Variants in ZMIZ1 observed in about 807,000 individuals in gnomAD.
The protein encoded by ZMIZ1 is zinc finger MIZ-type containing 1.
ZMIZ1 carries 17 observed loss-of-function variants against 113.9 expected under a neutral mutation model. The ratio of observed to expected loss-of-function variants is 0.15; its 90% CI spans 0.10 to 0.22. ZMIZ1 has a LOEUF of 0.22. Ranked by LOEUF, ZMIZ1 falls within the 10% of genes least tolerant of loss-of-function variation. ZMIZ1 has a pLI of 1.00. For missense variants in ZMIZ1, 1,059 were observed against 1,477.8 expected, an observed-to-expected ratio of 0.72 and a Z score of 4.65; for synonymous variants, 607 against 603.1, an observed-to-expected ratio of 1.01 and a Z score of -0.09.
intron 2 of ZMIZ1, among the ~76,000 whole-genome samples, chr10:79,130,013 G>A (rs979586765): frequency 1.3e-5 from 2 of 152,246 alleles, no homozygotes; most frequent in Non-Finnish European, 2.9e-5. Context: ...GCAAAGCTGG[G>A]CATCCAAGCC....
chr10:79,175,096 C>T (rs113460793), intron 4 of ZMIZ1, among the ~76,000 whole-genome samples: 1 of 152,208 alleles, frequency 6.6e-6, no homozygotes. Context: ...AGGGGGTCCT[C>T]GCAAGGAGCC....
intron 1 of ZMIZ1, among the ~76,000 whole-genome samples, chr10:79,114,431 G>A (rs2132305891): frequency 6.6e-6 from 1 of 152,106 alleles, no homozygotes; most frequent in South Asian, 2.1e-4. Context: ...GGCGGGTTCA[G>A]AGCCAGCCAC....
chr10:79,230,874 CAAAAG>C (rs2132778547), intron 7 of ZMIZ1, among the ~76,000 whole-genome samples: 1 of 152,340 alleles, frequency 6.6e-6, no homozygotes, highest in South Asian at 2.1e-4. Flanking sequence ...AGGAGAAAAA[CAAAAG>C]AGAAGAAAGA....
chr10:79,157,974 C>G (rs942209618), intron 3 of ZMIZ1, among the ~76,000 whole-genome samples: 1 of 129,382 alleles, frequency 7.7e-6, no homozygotes, highest in African/African-American at 2.7e-5. Context: ...GCTCAGGCGC[C>G]TGAGGATCAG....
intron 15 of ZMIZ1, 81 bp downstream of exon 15, chr10:79,298,661 G>A: frequency 1.5e-6 from 2 of 1,334,980 alleles, no homozygotes; most frequent in South Asian, 1.3e-5. Context: ...CAGTCAGGCT[G>A]CCTGGGGAGT....
At chr10:79,285,389 G>T (rs1853004099) in intron 8 of ZMIZ1, 1 of 446,140 alleles carries the variant, frequency 2.2e-6, no homozygotes, top group East Asian at 7.0e-5. Flanking sequence ...TACATGTTAG[G>T]CACTTACACT....
chr10:79,113,470 C>T (rs2132302201), intron 1 of ZMIZ1, among the ~76,000 whole-genome samples: 1 of 152,234 alleles, frequency 6.6e-6, no homozygotes, highest in South Asian at 2.1e-4. Context: ...TGGCCTTGTG[C>T]TTCCTTCCCC....
At chr10:79,123,865 C>T (rs1003538338) in intron 2 of ZMIZ1, among the ~76,000 whole-genome samples, 1 of 152,204 alleles carries the variant, frequency 6.6e-6, no homozygotes, top group Non-Finnish European at 1.5e-5. Flanking sequence ...GGCCAGGGCC[C>T]AGCCCGTGGC....
intron 3 of ZMIZ1, among the ~76,000 whole-genome samples, chr10:79,155,586 C>G (rs1018267978): frequency 2.6e-5 from 4 of 152,360 alleles, no homozygotes; most frequent in Non-Finnish European, 5.9e-5. Context: ...TGAGGCAGGA[C>G]GGGCAGAAGT....
rs369531328 is a variant in ZMIZ1 at position 79,280,896 on chromosome 10, A to C, written c.425+3571A>C. Among the ~76,000 whole-genome samples, 15 of 152,234 alleles carry C rather than the reference A, an allele frequency of 9.9e-5. No individual in the cohort carries two copies. In the East Asian group the frequency reaches 2.1e-3, roughly 22 times the overall value. On this transcript the variant is annotated intron_variant, in intron 8 of 24. Transcript: ENST00000334512. ...CACAGGCTGCAGCTGCATTTCACTT[A>C]AGCAGCATACCTTGCAGTTGCCCTC...
chr10:79,264,586 G>T (rs1851475814), intron 7 of ZMIZ1, among the ~76,000 whole-genome samples: 1 of 152,236 alleles, frequency 6.6e-6, no homozygotes, highest in Admixed American at 6.5e-5. Flanking sequence ...ACAGAGGCCA[G>T]CCTTGGCCCT....
intron 8 of ZMIZ1, among the ~76,000 whole-genome samples, chr10:79,282,451 A>G (rs1156564673): frequency 6.6e-6 from 1 of 152,196 alleles, no homozygotes; most frequent in African/African-American, 2.4e-5. Flanking sequence ...GAGCCTGGAC[A>G]CTTGCAGCCC....
chr10:79,133,696 T>C (rs994852917), intron 2 of ZMIZ1, among the ~76,000 whole-genome samples: 3 of 152,208 alleles, frequency 2.0e-5, no homozygotes, highest in African/African-American at 7.2e-5. Flanking sequence ...CCTTGGGCAC[T>C]GAAGCTCCCT....
intron 2 of ZMIZ1, among the ~76,000 whole-genome samples, chr10:79,121,008 G>A (rs145848541): frequency 6.4e-4 from 97 of 152,296 alleles, no homozygotes; most frequent in African/African-American, 2.2e-3. Flanking sequence ...TTGCCTCCAT[G>A]AGTGCTCTAA....
intron 2 of ZMIZ1, among the ~76,000 whole-genome samples, chr10:79,138,751 G>C (rs988545647): frequency 6.6e-6 from 1 of 152,138 alleles, no homozygotes; most frequent in African/African-American, 2.4e-5. Context: ...TCTAGAATTA[G>C]ATAGTACCCA....
intron 7 of ZMIZ1, among the ~76,000 whole-genome samples, chr10:79,233,172 G>A (rs1433742291): frequency 6.6e-6 from 1 of 152,254 alleles, no homozygotes; most frequent in Non-Finnish European, 1.5e-5. Context: ...CACTGGCTTG[G>A]TTCCCAGGGC....
chr10:79,071,926 C>G (rs1842298326), intron 1 of ZMIZ1, among the ~76,000 whole-genome samples: 1 of 133,436 alleles, frequency 7.5e-6, no homozygotes, highest in African/African-American at 2.8e-5. Flanking sequence ...ACATGTAAAT[C>G]TCAAAAGTTT....
chr10:79,171,144 A>G (rs929221913), intron 4 of ZMIZ1, among the ~76,000 whole-genome samples: 2 of 152,034 alleles, frequency 1.3e-5, no homozygotes, highest in African/African-American at 4.8e-5. Context: ...AGGCTCTCAC[A>G]CTCCCTGCTC....
At chr10:79,113,127 G>A (rs1025563236) in intron 1 of ZMIZ1, among the ~76,000 whole-genome samples, 2 of 152,212 alleles carry the variant, frequency 1.3e-5, no homozygotes, top group East Asian at 1.9e-4. Flanking sequence ...GCCTGCCTTC[G>A]GAGCCTCAGG....
Sources: allele counts gnomAD v4.1 joint callset (sites outside exome capture counted in the v4.1 genomes callset), GRCh38; gene constraint gnomAD v4.1.1; transcripts MANE v1.5; gene names NCBI Gene and HGNC (gene_info 2026-07-23, HGNC 2026-07-21).